FRMPD4: variants seen among roughly 807,000 people sequenced by gnomAD.
FRMPD4 encodes FERM and PDZ domain-containing protein 4.
A neutral mutation model predicts 94.1 loss-of-function variants in FRMPD4; 22 were observed. That is an observed-to-expected ratio of 0.23 (90% confidence interval 0.17 to 0.33). The LOEUF (loss-of-function observed/expected upper bound fraction) is 0.33, where lower values mean the gene tolerates loss of function less well. FRMPD4 is among the 10% of genes least tolerant of loss of function. FRMPD4 has a pLI of 1.00. For synonymous variants in FRMPD4, 631 were observed against 548.6 expected (o/e 1.15, Z -2.10); for missense variants, 1,111 against 1,339.9 (o/e 0.83, Z 2.67).
At chrX:12,586,109 G>A (rs1402251370) in intron 2 of FRMPD4, among the ~76,000 whole-genome samples, 1 of 112,971 alleles carries the variant, frequency 8.9e-6, no homozygotes, top group African/African-American at 3.2e-5. Context: ...CCAGATGCTA[G>A]TTAGTGGCAA....
chrX:12,445,446 G>C (rs1337349583), intron 1 of FRMPD4, among the ~76,000 whole-genome samples: 2 of 112,370 alleles, frequency 1.8e-5, no homozygotes, highest in East Asian at 5.5e-4. Context: ...AGTAGAATTA[G>C]AGAAAAGATG....
At chrX:12,620,504 G>A (rs2059278134) in intron 4 of FRMPD4, among the ~76,000 whole-genome samples, 1 of 112,296 alleles carries the variant, frequency 8.9e-6, no homozygotes, top group African/African-American at 3.2e-5. Context: ...AAGCTACAAT[G>A]ATCTGTGTAC....
At chrX:12,417,970 G>A (rs1191676555) in intron 1 of FRMPD4, among the ~76,000 whole-genome samples, 2 of 98,634 alleles carry the variant, frequency 2.0e-5, no homozygotes, top group African/African-American at 3.8e-5. Context: ...CTCCAGCCTG[G>A]GCGACAGAGC....
chrX:12,525,343 T>C (rs1403488752), intron 2 of FRMPD4, among the ~76,000 whole-genome samples: 1 of 111,582 alleles, frequency 9.0e-6, no homozygotes, highest in Non-Finnish European at 1.9e-5. Context: ...GCAGACTCTT[T>C]GTGGCAATAA....
chrX:12,220,042 G>A (rs1484258701), intron 1 of FRMPD4, among the ~76,000 whole-genome samples: 1 of 111,956 alleles, frequency 8.9e-6, no homozygotes, highest in East Asian at 2.8e-4. Flanking sequence ...TCGGGAGGCT[G>A]AGGCAGGAGA....
At chrX:12,542,532 G>T (rs1436679955) in intron 2 of FRMPD4, among the ~76,000 whole-genome samples, 3 of 111,745 alleles carry the variant, frequency 2.7e-5, no homozygotes, top group Admixed American at 9.5e-5. Flanking sequence ...AACTTACAAG[G>T]GATGTGAAGA....
intron 1 of FRMPD4, among the ~76,000 whole-genome samples, chrX:12,156,867 A>G (rs764343601): frequency 8.9e-6 from 1 of 112,036 alleles, no homozygotes; most frequent in African/African-American, 3.2e-5. Flanking sequence ...AAGGTATAAT[A>G]TAGTTCATAA....
At chrX:12,143,930 G>A (rs1363978401) in intron 1 of FRMPD4, among the ~76,000 whole-genome samples, 1 of 112,043 alleles carries the variant, frequency 8.9e-6, no homozygotes, top group African/African-American at 3.2e-5. Context: ...TCACTAAGTT[G>A]ACCTGATATT....
At chrX:12,005,692 T>G (rs1317084466) in intron 3 of FRMPD4, among the ~76,000 whole-genome samples, 2 of 112,978 alleles carry the variant, frequency 1.8e-5, no homozygotes, top group Non-Finnish European at 3.7e-5. Flanking sequence ...GATACGCCTT[T>G]GGTCTGATGT....
At chrX:12,626,567 G>A (rs945067536) in intron 4 of FRMPD4, among the ~76,000 whole-genome samples, 2 of 100,385 alleles carry the variant, frequency 2.0e-5, no homozygotes, top group African/African-American at 7.4e-5. Context: ...TTACTTGGGG[G>A]GCCCAGCAAA....
intron 1 of FRMPD4, among the ~76,000 whole-genome samples, chrX:12,418,460 G>A (rs756688867): frequency 9.5e-6 from 1 of 104,902 alleles, no homozygotes; most frequent in African/African-American, 3.5e-5. Context: ...CTGGGTTCAA[G>A]CAGTTCTCCT....
chrX:12,261,684 A>C (rs2054191253), intron 1 of FRMPD4, among the ~76,000 whole-genome samples: 1 of 112,282 alleles, frequency 8.9e-6, no homozygotes, highest in Non-Finnish European at 1.9e-5. Flanking sequence ...TAAAAATTTT[A>C]AATATAATAA....
rs1456773578 is a variant in FRMPD4, at chrX:12,040,950, T to C, written c.95+162932T>C. Among the ~76,000 whole-genome samples the C allele has an allele frequency of 2.7e-5, 3 of 111,351 alleles. No homozygotes were observed. The East Asian group carries it at 8.4e-4, about 31-fold the overall frequency. ...TTGGTGCTTTGTTTCAATTCTATTA[T>C]TAAAAAAAATTTCCCCATTGTTTTC... On this transcript the variant is annotated intron_variant, in intron 3 of 18. Coordinates refer to the FRMPD4 transcript ENST00000640291.
intron 3 of FRMPD4, among the ~76,000 whole-genome samples, chrX:12,061,488 T>C (rs1292795149): frequency 1.8e-5 from 2 of 111,521 alleles, no homozygotes; most frequent in Non-Finnish European, 3.8e-5. Context: ...GCAATACCCA[T>C]TGGGGAGATG....
At chrX:12,109,291 A>G (rs1466981852) in intron 3 of FRMPD4, among the ~76,000 whole-genome samples, 1 of 112,148 alleles carries the variant, frequency 8.9e-6, no homozygotes, top group Admixed American at 9.5e-5. Context: ...GCTCAACTAC[A>G]TGGAAACTGA....
chrX:12,440,387 A>C (rs1282822807), intron 1 of FRMPD4, among the ~76,000 whole-genome samples: 3 of 111,701 alleles, frequency 2.7e-5, no homozygotes, highest in Non-Finnish European at 5.6e-5. Context: ...GTAAGGGAGT[A>C]GGAAGAGGAG....
chrX:12,535,142 G>A (rs2058325161), intron 2 of FRMPD4, among the ~76,000 whole-genome samples: 2 of 111,505 alleles, frequency 1.8e-5, no homozygotes, highest in Non-Finnish European at 3.8e-5. Flanking sequence ...GCAAAAAGGG[G>A]AGTTTCCCAG....
chrX:11,894,759 A>T (rs758464390), intron 3 of FRMPD4, among the ~76,000 whole-genome samples: 1 of 112,411 alleles, frequency 8.9e-6, no homozygotes, highest in Non-Finnish European at 1.9e-5. Flanking sequence ...GGGTTGGGGC[A>T]GAGATTCTGC....
intron 2 of FRMPD4, among the ~76,000 whole-genome samples, chrX:12,570,166 T>G (rs2058748016): frequency 1.8e-5 from 2 of 112,155 alleles, no homozygotes; most frequent in South Asian, 7.4e-4. Flanking sequence ...GAAGCAAGGC[T>G]AGAATTGCAG....
Sources: gnomAD v4.1 joint callset for allele counts (sites outside exome capture counted in the v4.1 genomes callset) on GRCh38, gnomAD v4.1.1 for gene constraint, MANE v1.5 for transcripts, NCBI Gene and HGNC (gene_info 2026-07-23, HGNC 2026-07-21) for gene names.